The following SLC24A4 variants were observed in gnomAD, a reference collection of about 807,000 sequenced individuals.
SLC24A4 encodes the protein solute carrier family 24 member 4.
SLC24A4 carries 53 observed loss-of-function variants against 79.0 expected under a neutral mutation model. The ratio of observed to expected loss-of-function variants is 0.67; its 90% CI spans 0.54 to 0.84. The LOEUF is 0.84. SLC24A4 is among the 40% of genes least tolerant of loss of function. The probability of loss-of-function intolerance (pLI) is 0.00; values close to 1 mark genes in which losing one functional copy is unlikely to be tolerated. For synonymous variants in SLC24A4, 323 were observed against 323.8 expected (o/e 1.00, Z 0.03); for missense variants, 731 against 822.0 (o/e 0.89, Z 1.35).
At chr14:92,324,042 C>A in intron 1 of SLC24A4, 82 bp downstream of exon 1, 3 of 1,522,304 alleles carry the variant, frequency 2.0e-6, no homozygotes, top group Non-Finnish European at 2.6e-6. Flanking sequence ...GAGATGTTTT[C>A]CCCTCCTTCC....
intron 2 of SLC24A4, among the ~76,000 whole-genome samples, chr14:92,412,011 G>A (rs1372501171): frequency 2.0e-5 from 3 of 152,056 alleles, no homozygotes; most frequent in Non-Finnish European, 4.4e-5. Context: ...TGAGAAGTCC[G>A]GGGCCCGCTG....
intron 7 of SLC24A4, among the ~76,000 whole-genome samples, chr14:92,444,607 C>G (rs1016389048): frequency 6.6e-6 from 1 of 152,198 alleles, no homozygotes; most frequent in Non-Finnish European, 1.5e-5. Context: ...GTAATCCTAG[C>G]ACTTTGGAAG....
intron 10 of SLC24A4, chr14:92,452,083 G>A (rs1893172706): frequency 6.6e-6 from 1 of 152,292 alleles, no homozygotes; most frequent in African/African-American, 2.4e-5. Context: ...TTTTATCAGA[G>A]TGAATGCATT....
chr14:92,456,220 A>AAC, intron 11 of SLC24A4, among the ~76,000 whole-genome samples, 184 bp from the exon 12 acceptor site: 1 of 152,160 alleles, frequency 6.6e-6, no homozygotes, highest in Non-Finnish European at 1.5e-5. Flanking sequence ...TAACCATGCA[A>AAC]ATGTAAGTGA....
rs114512289 is a variant in SLC24A4 at position 92,436,467 on chromosome 14, C to A, written c.318+2479C>A. ...TTTTATAAATAAAGTTTTATTGGAA[C>A]ACTGCAACACCCATTCTATGGCTCG... is the stretch of plus-strand genomic sequence containing the variant. On this transcript the variant is annotated intron_variant, in intron 3 of 16. Coordinates refer to ENST00000532405, the MANE Select transcript of SLC24A4 (RefSeq NM_153646.4). 2.9e-3 allele frequency among the ~76,000 whole-genome samples: 447 copies of A among 151,924 alleles called. 1 individual carries two copies. The highest frequency in any genetic ancestry group is 0.01 in the African/African-American group (426 of 41,388).
At chr14:92,451,762 G>A (rs545160807) in intron 10 of SLC24A4, 79 of 152,370 alleles carry the variant, frequency 5.2e-4, no homozygotes, top group African/African-American at 1.8e-3. Context: ...GCCTCCTGGT[G>A]CTTCTCAGGT....
intron 2 of SLC24A4, among the ~76,000 whole-genome samples, chr14:92,374,025 C>T (rs187185414): frequency 4.1e-3 from 623 of 152,288 alleles, no homozygotes; most frequent in Middle Eastern, 0.01. Context: ...GACTCTTTTT[C>T]AAATGATATA....
intron 1 of SLC24A4, among the ~76,000 whole-genome samples, chr14:92,324,758 C>T (rs1885026846): frequency 6.6e-6 from 1 of 152,152 alleles, no homozygotes; most frequent in Admixed American, 6.5e-5. Flanking sequence ...CTTTTAATTT[C>T]ATTATTTTTT....
chr14:92,388,307 G>A (rs922710728), intron 2 of SLC24A4, among the ~76,000 whole-genome samples: 1 of 152,160 alleles, frequency 6.6e-6, no homozygotes, highest in African/African-American at 2.4e-5. Flanking sequence ...GATGCCCAAG[G>A]GGTGTCCCTT....
rs1892021569 is a variant in SLC24A4, at chr14:92,433,940, C to T, written c.270C>T (p.Phe90=). 6.2e-7 allele frequency: 1 copy of T among 1,614,072 alleles called. No individual in the cohort carries two copies. The highest frequency in any genetic ancestry group is 8.5e-7 in the Non-Finnish European group (1 of 1,180,040). ...PAIHEFPTDL[F]SNKERQHGAV... ...TTCACGAGTTCCCCACAGATCTGTT[C>T]TCCAATAAGGAGCGACAGCACGGAG... The change falls in exon 3 of 17, where the codon TTC becomes TTT. Residue 90 remains phenylalanine, a synonymous_variant. Transcript: ENST00000532405.
Position 92,456,396 on chromosome 14 carries a change from C to T in SLC24A4, c.1051-8C>T. 4 of 1,614,130 alleles carry T rather than the reference C, an allele frequency of 2.5e-6. No homozygotes were observed. In the Admixed American group the frequency reaches 5.0e-5, roughly 20 times the overall value. On this transcript the variant is annotated splice_polypyrimidine_tract_variant and splice_region_variant and intron_variant, in intron 11 of 16. Coordinates refer to ENST00000532405, the MANE Select transcript of SLC24A4 (RefSeq NM_153646.4). ...CCTTGGTGTCCATGTTGCCTCCTGT[C>T]CACACAGCGGCAGAGACTGATCAAC... is the stretch of plus-strand genomic sequence containing the variant.
chr14:92,420,135 C>A (rs150380676), intron 2 of SLC24A4, among the ~76,000 whole-genome samples: 149 of 152,288 alleles, frequency 9.8e-4, no homozygotes, highest in African/African-American at 3.3e-3. Context: ...CCAGAAGGAA[C>A]CAACCCTGTC....
chr14:92,360,202 A>T (rs181902088), intron 2 of SLC24A4, among the ~76,000 whole-genome samples: 2 of 152,244 alleles, frequency 1.3e-5, no homozygotes, highest in Admixed American at 6.5e-5. Flanking sequence ...GATTACAGGC[A>T]TGAGCCACTG....
At chr14:92,425,357 T>A (rs1362348898) in intron 2 of SLC24A4, among the ~76,000 whole-genome samples, 1 of 152,198 alleles carries the variant, frequency 6.6e-6, no homozygotes, top group Non-Finnish European at 1.5e-5. Flanking sequence ...CCAGTGGACA[T>A]GAGTTATTGG....
intron 2 of SLC24A4, among the ~76,000 whole-genome samples, chr14:92,393,997 C>T (rs960101700): frequency 6.6e-6 from 1 of 151,352 alleles, no homozygotes; most frequent in Non-Finnish European, 1.5e-5. Flanking sequence ...TGTGAAAGAG[C>T]GAGATTTGGT....
intron 2 of SLC24A4, 37 bp downstream of exon 2, chr14:92,326,015 A>C (rs768914457): frequency 6.8e-7 from 1 of 1,473,188 alleles, no homozygotes; most frequent in Non-Finnish European, 9.4e-7. Flanking sequence ...GTCTACTAAG[A>C]TGTTTGGCCT....
intron 3 of SLC24A4, among the ~76,000 whole-genome samples, chr14:92,434,761 C>G (rs953911007): frequency 5.3e-5 from 8 of 152,258 alleles, no homozygotes; most frequent in Middle Eastern, 3.4e-3. Flanking sequence ...GCATTTTCCA[C>G]TTAAAGTATT....
rs137862927 is a variant in SLC24A4 at position 92,416,016 on chromosome 14, T to C, written c.242-17896T>C. On this transcript the variant is annotated intron_variant, in intron 2 of 16. Transcript: ENST00000532405. The stretch of plus-strand genomic sequence containing the variant: ...GTAAGTGAAAACATACGATGTTTGG[T>C]TTTCCAATGCATGGGTTTTAAATTC... Among the ~76,000 whole-genome samples, 287 of 152,266 alleles carry C rather than the reference T, an allele frequency of 1.9e-3. 7 individuals are homozygous for C. In the East Asian group the frequency reaches 0.034, roughly 18 times the overall value.
chr14:92,438,996 A>T (rs1892339315), intron 3 of SLC24A4, among the ~76,000 whole-genome samples: 1 of 152,192 alleles, frequency 6.6e-6, no homozygotes, highest in African/African-American at 2.4e-5. Flanking sequence ...TATTCCTATT[A>T]TGCCCGAGGT....
Sources: allele counts gnomAD v4.1 joint callset (sites outside exome capture counted in the v4.1 genomes callset), GRCh38; gene constraint gnomAD v4.1.1; transcripts MANE v1.5; gene names NCBI Gene and HGNC (gene_info 2026-07-23, HGNC 2026-07-21).